Variants in SAMMSON observed in about 807,000 individuals in gnomAD.
The protein encoded by SAMMSON is long intergenic non-protein coding RNA 1212.
chr3:70,058,061 T>C, intron 3 of SAMMSON, among the ~76,000 whole-genome samples: 1 of 152,114 alleles, frequency 6.6e-6, no homozygotes, highest in East Asian at 1.9e-4. Flanking sequence ...ATCTCTTCAT[T>C]TTTTTCCTTT....
At chr3:70,375,820 G>A (rs1374595147) in intron 9 of SAMMSON, among the ~76,000 whole-genome samples, 2 of 151,960 alleles carry the variant, frequency 1.3e-5, no homozygotes, top group Non-Finnish European at 2.9e-5. Context: ...ACTCTCTCCG[G>A]TATTCACTGT....
intron 3 of SAMMSON, among the ~76,000 whole-genome samples, chr3:70,065,798 A>G (rs1455474384): frequency 6.6e-6 from 1 of 152,126 alleles, no homozygotes; most frequent in African/African-American, 2.4e-5. Flanking sequence ...AAATGTTAAT[A>G]GCGCCAAGGT....
intron 2 of SAMMSON, among the ~76,000 whole-genome samples, chr3:70,422,100 G>A (rs1322572244): frequency 6.7e-6 from 1 of 148,168 alleles, no homozygotes; most frequent in African/African-American, 2.5e-5. Context: ...GATGAGGTAT[G>A]ATGTTCAACT....
At chr3:70,312,320 A>G (rs1181147519) in intron 7 of SAMMSON, among the ~76,000 whole-genome samples, 1 of 152,232 alleles carries the variant, frequency 6.6e-6, no homozygotes, top group Non-Finnish European at 1.5e-5. Context: ...TATAGCCTAT[A>G]GAAAAGCATG....
chr3:70,367,340 C>G (rs542642412), intron 9 of SAMMSON, among the ~76,000 whole-genome samples: 2 of 151,716 alleles, frequency 1.3e-5, no homozygotes, highest in East Asian at 3.9e-4. Flanking sequence ...TTCCTAGCCT[C>G]TGGTAACTAT....
chr3:70,199,131 G>T (rs7623693), intron 4 of SAMMSON, among the ~76,000 whole-genome samples: 126,746 of 152,176 alleles, frequency 0.83, 53,833 homozygotes, highest in Non-Finnish European at 0.92. Flanking sequence ...GAGTCCACTG[G>T]ATCCTGTCCT....
chr3:70,404,384 T>C (rs1423193933), intron 2 of SAMMSON, among the ~76,000 whole-genome samples: 1 of 152,172 alleles, frequency 6.6e-6, no homozygotes, highest in African/African-American at 2.4e-5. Flanking sequence ...CCTGGATTCA[T>C]GTAGACATCT....
At chr3:70,142,227 A>G (rs886575790) in intron 4 of SAMMSON, among the ~76,000 whole-genome samples, 1 of 152,216 alleles carries the variant, frequency 6.6e-6, no homozygotes, top group African/African-American at 2.4e-5. Flanking sequence ...AGATACTTGC[A>G]TATGCATATT....
chr3:70,425,392 A>C (rs1224991359), intron 2 of SAMMSON, among the ~76,000 whole-genome samples: 1 of 151,124 alleles, frequency 6.6e-6, no homozygotes, highest in East Asian at 1.9e-4. Context: ...CAAGTTGTCT[A>C]TTTTTTTATT....
chr3:69,999,762 T>G (rs1004351427), upstream of SAMMSON: 1 of 152,346 alleles, frequency 6.6e-6, no homozygotes, highest in African/African-American at 2.4e-5. Context: ...GCTAGACATT[T>G]GAGGAACACA....
intron 7 of SAMMSON, among the ~76,000 whole-genome samples, chr3:70,310,669 G>A (rs1312393837): frequency 3.3e-5 from 5 of 152,160 alleles, no homozygotes; most frequent in African/African-American, 9.6e-5. Context: ...CCCGGCCATA[G>A]GTGTATTTTT....
intron 9 of SAMMSON, among the ~76,000 whole-genome samples, chr3:70,377,983 T>A (rs1389584786): frequency 6.6e-6 from 1 of 152,000 alleles, no homozygotes; most frequent in Non-Finnish European, 1.5e-5. Context: ...GCTCATACAT[T>A]GATGGTGGGA....
chr3:70,219,056 TA>T (rs1189789314), intron 4 of SAMMSON, among the ~76,000 whole-genome samples: 50 of 152,130 alleles, frequency 3.3e-4, no homozygotes, highest in Non-Finnish European at 6.8e-4. Context: ...AAGGCAGGTT[TA>T]AAAAAATTAT....
chr3:70,366,591 A>G lies in SAMMSON; in HGVS notation n.913+8267A>G, dbSNP rs577689957. Among the ~76,000 whole-genome samples the G allele has an allele frequency of 1.2e-4, 18 of 150,122 alleles. No homozygotes were observed. In the East Asian group the frequency reaches 3.5e-3, roughly 29 times the overall value. ...CTGTTTGTTTATTAATTCTCCAATG[A>G]AGGACATCTTGGTGGTTACCATGTT... On this transcript the variant is annotated intron_variant and non_coding_transcript_variant, in intron 9 of 9. Coordinates refer to ENST00000642114, the Ensembl canonical transcript of SAMMSON.
At chr3:70,082,436 T>G (rs2067270690) in intron 4 of SAMMSON, among the ~76,000 whole-genome samples, 1 of 152,132 alleles carries the variant, frequency 6.6e-6, no homozygotes, top group African/African-American at 2.4e-5. Context: ...AATCTGAGAA[T>G]GGAAGGTTAA....
chr3:70,157,984 T>C (rs2067598590), intron 4 of SAMMSON, among the ~76,000 whole-genome samples: 1 of 152,104 alleles, frequency 6.6e-6, no homozygotes, highest in Non-Finnish European at 1.5e-5. Context: ...CAGTGTGTAT[T>C]TTATAGAACT....
At chr3:70,232,319 T>C (rs1400548294) in intron 4 of SAMMSON, among the ~76,000 whole-genome samples, 1 of 152,192 alleles carries the variant, frequency 6.6e-6, no homozygotes, top group Non-Finnish European at 1.5e-5. Flanking sequence ...CTTCAACCTT[T>C]ATCCTCATGA....
intron 6 of SAMMSON, among the ~76,000 whole-genome samples, chr3:70,282,181 G>A (rs192092123): frequency 6.6e-6 from 1 of 152,234 alleles, no homozygotes; most frequent in East Asian, 1.9e-4. Flanking sequence ...CTGGGATGCA[G>A]TAATCAAAAA....
At chr3:70,090,779 TAAAA>T (rs78510916) in intron 4 of SAMMSON, among the ~76,000 whole-genome samples, 1 of 141,922 alleles carries the variant, frequency 7.0e-6, no homozygotes. Context: ...AAATTAAACT[TAAAA>T]AAAAAAAAAA....
Sources: allele counts gnomAD v4.1 joint callset (sites outside exome capture counted in the v4.1 genomes callset), GRCh38; gene constraint gnomAD v4.1.1; transcripts MANE v1.5; gene names NCBI Gene and HGNC (gene_info 2026-07-23, HGNC 2026-07-21).